The following SLX4IP variants were observed in gnomAD, a reference collection of about 807,000 sequenced individuals.
SLX4IP encodes the protein SLX4 interacting protein.
SLX4IP carries 34 observed loss-of-function variants against 32.9 expected under a neutral mutation model. The ratio of observed to expected loss-of-function variants is 1.03; its 90% CI spans 0.79 to 1.38. SLX4IP has a LOEUF of 1.38. Among genes scored for constraint, SLX4IP ranks in the 40% most tolerant of loss-of-function variants. The pLI, the probability that SLX4IP is intolerant of heterozygous loss-of-function variation, is 0.00. For synonymous variants in SLX4IP, 172 were observed against 171.7 expected (o/e 1.00, Z -0.01); for missense variants, 444 against 479.0 (o/e 0.93, Z 0.68).
At chr20:10,545,703 C>T (rs1254245937) in intron 2 of SLX4IP, among the ~76,000 whole-genome samples, 1 of 152,170 alleles carries the variant, frequency 6.6e-6, no homozygotes, top group Non-Finnish European at 1.5e-5. Context: ...CTGAATTCCT[C>T]TAAGTCATCC....
At position 10,473,910 on chromosome 20, in the gene SLX4IP, C is replaced by T. The variant is rs982820967; in HGVS notation, c.27+15679C>T. 2.0e-5 allele frequency among the ~76,000 whole-genome samples: 3 copies of T among 152,046 alleles called. No homozygotes were observed. In the South Asian group the frequency reaches 6.2e-4, roughly 32 times the overall value. On this transcript the variant is annotated intron_variant, in intron 2 of 7. Transcript: ENST00000334534. ...TGATCTTGGCTCACTGCAACCTCCGCCTCATGGGTTCAGGCGATTCTCCTG... is the reference window on the plus strand; with the variant it reads ...TGATCTTGGCTCACTGCAACCTCCGTCTCATGGGTTCAGGCGATTCTCCTG...
chr20:10,583,395 C>T (rs1324776858), intron 4 of SLX4IP, among the ~76,000 whole-genome samples: 1 of 152,148 alleles, frequency 6.6e-6, no homozygotes, highest in Admixed American at 6.5e-5. Context: ...ACATTCATTG[C>T]ACTCGGTTGA....
At chr20:10,555,577 A>G (rs1265782064) in intron 2 of SLX4IP, among the ~76,000 whole-genome samples, 2 of 152,232 alleles carry the variant, frequency 1.3e-5, no homozygotes, top group African/African-American at 2.4e-5. Context: ...CAGCATATAT[A>G]TAGAATATTT....
At chr20:10,593,741 A>AT (rs1194708731) in intron 4 of SLX4IP, among the ~76,000 whole-genome samples, 1 of 152,210 alleles carries the variant, frequency 6.6e-6, no homozygotes, top group Non-Finnish European at 1.5e-5. Flanking sequence ...GTCAAAAAAA[A>AT]AATTCAAATG....
chr20:10,516,276 A>G (rs929727587), intron 2 of SLX4IP, among the ~76,000 whole-genome samples: 6 of 152,180 alleles, frequency 3.9e-5, no homozygotes, highest in South Asian at 2.1e-4. Context: ...CAAAATGTCA[A>G]TGCTAGCAAG....
intron 1 of SLX4IP, among the ~76,000 whole-genome samples, chr20:10,446,115 A>G (rs1027931969): frequency 2.0e-5 from 3 of 151,942 alleles, no homozygotes; most frequent in African/African-American, 7.3e-5. Flanking sequence ...GGCTGTTAAG[A>G]ATAAAGTTAC....
chr20:10,442,348 A>T (rs1224994111), intron 1 of SLX4IP, among the ~76,000 whole-genome samples: 1 of 152,182 alleles, frequency 6.6e-6, no homozygotes, highest in Non-Finnish European at 1.5e-5. Flanking sequence ...CCCTTCCCAA[A>T]TTAATTTTTT....
At chr20:10,503,900 A>G (rs1395082973) in intron 2 of SLX4IP, among the ~76,000 whole-genome samples, 4 of 151,968 alleles carry the variant, frequency 2.6e-5, no homozygotes, top group African/African-American at 9.7e-5. Context: ...AACAACAGTC[A>G]TATTGGATTA....
intron 1 of SLX4IP, among the ~76,000 whole-genome samples, chr20:10,450,971 C>T (rs377402322): frequency 5.9e-5 from 9 of 152,252 alleles, no homozygotes; most frequent in African/African-American, 1.9e-4. Context: ...CCAGGATGGT[C>T]TCGATCTCCT....
intron 1 of SLX4IP, among the ~76,000 whole-genome samples, chr20:10,437,684 A>T (rs577047023): frequency 1.3e-5 from 2 of 152,310 alleles, no homozygotes; most frequent in African/African-American, 4.8e-5. Flanking sequence ...AAATAAAGCC[A>T]CTGTTGTTTT....
intron 1 of SLX4IP, among the ~76,000 whole-genome samples, chr20:10,439,943 A>G (rs986085887): frequency 2.0e-5 from 3 of 152,162 alleles, no homozygotes; most frequent in African/African-American, 7.2e-5. Context: ...TTTTGCTTCT[A>G]TTATGTAAAA....
intron 2 of SLX4IP, among the ~76,000 whole-genome samples, chr20:10,498,683 TC>T (rs1308973876): frequency 2.4e-5 from 2 of 82,692 alleles, no homozygotes; most frequent in African/African-American, 5.9e-5. Flanking sequence ...TCTTTTCTTT[TC>T]TTTTTTTTTT....
chr20:10,519,654 C>T (rs1014088423), intron 2 of SLX4IP, among the ~76,000 whole-genome samples: 7 of 152,182 alleles, frequency 4.6e-5, no homozygotes, highest in Non-Finnish European at 1.0e-4. Flanking sequence ...TACTTTTGGA[C>T]TGTTATGACT....
intron 2 of SLX4IP, among the ~76,000 whole-genome samples, chr20:10,467,803 A>T (rs1262361630): frequency 6.6e-6 from 1 of 152,218 alleles, no homozygotes; most frequent in Non-Finnish European, 1.5e-5. Context: ...TCTGTAAGGC[A>T]TCTGCTCTGA....
At chr20:10,512,414 A>C (rs1225516789) in intron 2 of SLX4IP, among the ~76,000 whole-genome samples, 1 of 151,530 alleles carries the variant, frequency 6.6e-6, no homozygotes, top group Non-Finnish European at 1.5e-5. Flanking sequence ...TGTCACTTTA[A>C]GTATTTTTTT....
intron 2 of SLX4IP, among the ~76,000 whole-genome samples, chr20:10,540,123 C>CCTTCCTTCCTTCCTTG (rs1385439064): frequency 6.7e-6 from 1 of 148,888 alleles, no homozygotes; most frequent in Admixed American, 6.8e-5. Context: ...TTCCTTCCTT[C>CCTTCCTTCCTTCCTTG]CTTCCTTCCT....
chr20:10,613,641 G>A (rs1428412662), intron 6 of SLX4IP: 2 of 1,613,840 alleles, frequency 1.2e-6, no homozygotes, highest in Non-Finnish European at 1.7e-6. Flanking sequence ...CTCTTCCTGA[G>A]CCCTCCTTTT....
intron 2 of SLX4IP, among the ~76,000 whole-genome samples, chr20:10,534,307 C>T (rs1243685683): frequency 2.0e-5 from 3 of 152,192 alleles, no homozygotes; most frequent in African/African-American, 7.2e-5. Flanking sequence ...TATTGAGCAC[C>T]TTCTGTGGGC....
intron 4 of SLX4IP, among the ~76,000 whole-genome samples, chr20:10,589,207 A>T (rs1248556225): frequency 6.6e-6 from 1 of 152,222 alleles, no homozygotes; most frequent in Non-Finnish European, 1.5e-5. Context: ...ACACTAAAAA[A>T]ACTTTATTGG....
Sources: gnomAD v4.1 joint callset for allele counts (sites outside exome capture counted in the v4.1 genomes callset) on GRCh38, gnomAD v4.1.1 for gene constraint, MANE v1.5 for transcripts, NCBI Gene and HGNC (gene_info 2026-07-23, HGNC 2026-07-21) for gene names.